CXADR: variants seen among roughly 807,000 people sequenced by gnomAD.
CXADR encodes the protein coxsackievirus and adenovirus receptor.
A neutral mutation model predicts 40.3 loss-of-function variants in CXADR; 20 were observed. The observed-to-expected ratio is 0.50, with a 90% confidence interval of 0.35 to 0.72. The LOEUF (loss-of-function observed/expected upper bound fraction) is 0.72, where lower values mean the gene tolerates loss of function less well. Among genes scored for constraint, CXADR ranks in the 30% least tolerant of loss-of-function variants. The pLI, the probability that CXADR is intolerant of heterozygous loss-of-function variation, is 0.01. For synonymous variants in CXADR, 150 were observed against 161.3 expected (o/e 0.93, Z 0.53); for missense variants, 332 against 449.1 (o/e 0.74, Z 2.36).
At chr21:17,555,859 C>T (rs140280235) in intron 3 of CXADR, among the ~76,000 whole-genome samples, 1 of 152,120 alleles carries the variant, frequency 6.6e-6, no homozygotes, top group Non-Finnish European at 1.5e-5. Context: ...TGCCTGGAGT[C>T]AGGGTATTTT....
chr21:17,609,221 A>G, the CXADR span: 3 of 1,442,294 alleles, frequency 2.1e-6, no homozygotes, highest in Admixed American at 6.3e-5. Context: ...GCTCTGTAAG[A>G]TATACCTCCT....
intron 3 of CXADR, among the ~76,000 whole-genome samples, chr21:17,555,630 A>C (rs2061024475): frequency 6.7e-6 from 1 of 149,132 alleles, no homozygotes; most frequent in South Asian, 2.1e-4. Context: ...ATATCTCCTT[A>C]ATCTCCTCCA....
chr21:17,618,729 G>T, the CXADR span, among the ~76,000 whole-genome samples: 1 of 151,982 alleles, frequency 6.6e-6, no homozygotes, highest in Non-Finnish European at 1.5e-5. Flanking sequence ...AAGAGACAGG[G>T]TTTCACCATG....
intron 2 of CXADR, among the ~76,000 whole-genome samples, chr21:17,549,445 A>G (rs2060938654): frequency 6.6e-6 from 1 of 152,224 alleles, no homozygotes; most frequent in Non-Finnish European, 1.5e-5. Flanking sequence ...TATAAATGAT[A>G]TTGAAATGAT....
In CXADR at chr21:17,569,729, A is replaced by G; in HGVS notation, c.*4037A>G. The G allele has an allele frequency of 1.0e-6, 1 of 967,600 alleles. No individual in the cohort carries two copies. Among genetic ancestry groups the G allele is most frequent in the Non-Finnish European group, 1.2e-6 (1 of 813,898 alleles). 59.9% of individuals were successfully genotyped at this position (967,600 alleles called of 1,614,324 possible). A position where few individuals can be genotyped will look rare whatever the true frequency, so the allele number is the denominator to read the frequency against. ...TTATTTTATAATTTAAGAATATAGT[A>G]CATATCAGTTGGGTTTGGTTTTGGT... On this transcript the variant is annotated 3_prime_UTR_variant, in exon 7 of 7. Coordinates refer to ENST00000284878, the MANE Select transcript of CXADR (RefSeq NM_001338.5).
At chr21:17,576,593 C>G (rs1391925364) in intron 7 of CXADR, among the ~76,000 whole-genome samples, 1 of 152,140 alleles carries the variant, frequency 6.6e-6, no homozygotes, top group Non-Finnish European at 1.5e-5. Context: ...AGATTTATGT[C>G]TGTTACTTCG....
chr21:17,547,650 G>A (rs897092797), intron 2 of CXADR, among the ~76,000 whole-genome samples: 1 of 152,148 alleles, frequency 6.6e-6, no homozygotes, highest in African/African-American at 2.4e-5. Context: ...CAGTAGAAGT[G>A]TCATTAGCTA....
At chr21:17,611,921 G>C in the CXADR span, 1 of 152,236 alleles carries the variant, frequency 6.6e-6, no homozygotes, top group East Asian at 1.9e-4. Flanking sequence ...CGTTCCCAAG[G>C]TGGAGGGCGC....
chr21:17,604,910 G>C, the CXADR span: 2 of 1,614,182 alleles, frequency 1.2e-6, no homozygotes, highest in Non-Finnish European at 1.7e-6. Context: ...CCTTTGGCAA[G>C]CCCAGGTCAC....
chr21:17,536,701 A>T (rs552380522), intron 1 of CXADR, among the ~76,000 whole-genome samples: 1 of 152,280 alleles, frequency 6.6e-6, no homozygotes, highest in South Asian at 2.1e-4. Flanking sequence ...AGCAATTAAC[A>T]CTGCCTGTGG....
At chr21:17,584,968 T>A (rs945033157) in intron 7 of CXADR, among the ~76,000 whole-genome samples, 1 of 152,248 alleles carries the variant, frequency 6.6e-6, no homozygotes, top group Non-Finnish European at 1.5e-5. Context: ...TTAGAAGTGG[T>A]TGATGGATGA....
At chr21:17,550,661 A>G (rs1257626691) in intron 2 of CXADR, among the ~76,000 whole-genome samples, 1 of 152,198 alleles carries the variant, frequency 6.6e-6, no homozygotes, top group East Asian at 1.9e-4. Flanking sequence ...CAAAAAAGAA[A>G]AATTATAAAA....
intron 7 of CXADR, among the ~76,000 whole-genome samples, chr21:17,591,522 TTAAA>T (rs1307265901): frequency 6.6e-6 from 1 of 152,102 alleles, no homozygotes; most frequent in African/African-American, 2.4e-5. Context: ...TACTAAAAAG[TTAAA>T]TACTTTGAGA....
At chr21:17,627,292 G>A in the CXADR span, among the ~76,000 whole-genome samples, 4 of 152,170 alleles carry the variant, frequency 2.6e-5, no homozygotes, top group African/African-American at 9.6e-5. Flanking sequence ...GGAGGCGGAG[G>A]TTGCGGTGAG....
At chr21:17,520,168 T>C (rs1191731137) in intron 1 of CXADR, among the ~76,000 whole-genome samples, 1 of 152,202 alleles carries the variant, frequency 6.6e-6, no homozygotes, top group Non-Finnish European at 1.5e-5. Context: ...TGATACTTAA[T>C]GTACTGATAC....
intron 1 of CXADR, chr21:17,527,292 C>G (rs898851358): frequency 6.6e-6 from 1 of 152,094 alleles, no homozygotes; most frequent in Non-Finnish European, 1.5e-5. Flanking sequence ...TGAACGCTCC[C>G]CCAAGTTGAG....
chr21:17,618,278 G>A, the CXADR span, among the ~76,000 whole-genome samples: 1 of 152,068 alleles, frequency 6.6e-6, no homozygotes, highest in African/African-American at 2.4e-5. Flanking sequence ...TAATTCTCTT[G>A]CTATTTCTAC....
At chr21:17,619,107 T>C in the CXADR span, among the ~76,000 whole-genome samples, 2,391 of 152,334 alleles carry the variant, frequency 0.016, 91 homozygotes, top group Admixed American at 0.089. Context: ...TTTGTTGTTT[T>C]ATTTCTAGAA....
At chr21:17,616,445 C>T in the CXADR span, among the ~76,000 whole-genome samples, 1 of 149,964 alleles carries the variant, frequency 6.7e-6, no homozygotes, top group Non-Finnish European at 1.5e-5. Flanking sequence ...ACGCCATTCT[C>T]CTGCCTCAGC....
Sources: gnomAD v4.1 joint callset for allele counts (sites outside exome capture counted in the v4.1 genomes callset) on GRCh38, gnomAD v4.1.1 for gene constraint, MANE v1.5 for transcripts, NCBI Gene and HGNC (gene_info 2026-07-23, HGNC 2026-07-21) for gene names.